Variants in PLEKHM3 observed in about 807,000 individuals in gnomAD.
The protein encoded by PLEKHM3 is pleckstrin homology domain containing M3.
Under a neutral mutation model 81.8 loss-of-function variants are expected in PLEKHM3, and 45 were observed. The observed-to-expected ratio is 0.55, with a 90% CI of 0.43 to 0.71. The LOEUF (loss-of-function observed/expected upper bound fraction) is 0.71, where lower values mean the gene tolerates loss of function less well. Among genes scored for constraint, PLEKHM3 ranks in the 30% least tolerant of loss-of-function variants. The pLI is 0.00. For synonymous variants in PLEKHM3, 352 were observed against 356.4 expected, an observed-to-expected ratio of 0.99 and a Z score of 0.14; for missense variants, 788 against 924.3, an observed-to-expected ratio of 0.85 and a Z score of 1.91.
At chr2:207,894,504 C>T (rs985315941) in intron 6 of PLEKHM3, among the ~76,000 whole-genome samples, 1 of 123,278 alleles carries the variant, frequency 8.1e-6, no homozygotes, top group African/African-American at 3.1e-5. Context: ...CACCTTTGCC[C>T]TATTATTCCT....
chr2:207,941,937 A>G (rs1012525254), intron 4 of PLEKHM3, among the ~76,000 whole-genome samples: 8 of 152,244 alleles, frequency 5.3e-5, no homozygotes, highest in Non-Finnish European at 1.2e-4. Flanking sequence ...TCCAGTTAAA[A>G]TGGCTATTAC....
chr2:208,018,100 C>T (rs1447721799), intron 1 of PLEKHM3, among the ~76,000 whole-genome samples: 1 of 152,142 alleles, frequency 6.6e-6, no homozygotes, highest in Non-Finnish European at 1.5e-5. Context: ...TCCGGCTGGG[C>T]GCAGTGGTTC....
chr2:207,850,427 T>G (rs879867735), intron 7 of PLEKHM3, among the ~76,000 whole-genome samples: 1 of 152,224 alleles, frequency 6.6e-6, no homozygotes, highest in Admixed American at 6.5e-5. Context: ...GGAGGATGAC[T>G]TACATGTCAC....
rs564256734 is a variant in PLEKHM3, at chr2:207,883,525, A to G, written c.1951-22263T>C. ...GAGTCTCACTTGAGAATAAGAAGAT[A>G]GCACTGAAAGTGTTTAAACATTTCT... On this transcript the variant is annotated intron_variant, in intron 6 of 7. Transcript: ENST00000427836. 3.9e-5 allele frequency among the ~76,000 whole-genome samples: 6 copies of G among 152,358 alleles called. No homozygotes were observed. The South Asian group carries it at 1.0e-3, about 26-fold the overall frequency.
intron 2 of PLEKHM3, among the ~76,000 whole-genome samples, chr2:207,982,433 T>A (rs1461461429): frequency 6.6e-6 from 1 of 152,020 alleles, no homozygotes; most frequent in Non-Finnish European, 1.5e-5. Context: ...CCACACCTGG[T>A]TCATTTTTTA....
intron 5 of PLEKHM3, among the ~76,000 whole-genome samples, chr2:207,910,044 A>G (rs987501211): frequency 1.3e-5 from 2 of 152,196 alleles, no homozygotes; most frequent in South Asian, 2.1e-4. Context: ...GGAAAGTAGG[A>G]AAGTCGCTGA....
chr2:207,849,863 T>C (rs2092403003), intron 7 of PLEKHM3, among the ~76,000 whole-genome samples: 1 of 152,208 alleles, frequency 6.6e-6, no homozygotes, highest in Non-Finnish European at 1.5e-5. Flanking sequence ...ACAGTAAGTA[T>C]TTATGTAACG....
chr2:207,935,499 C>T (rs1013001433), intron 4 of PLEKHM3, among the ~76,000 whole-genome samples: 1 of 152,186 alleles, frequency 6.6e-6, no homozygotes, highest in Admixed American at 6.5e-5. Context: ...TTTCCAATTC[C>T]CATAAAGCTG....
intron 1 of PLEKHM3, among the ~76,000 whole-genome samples, chr2:208,002,808 G>A (rs1023314940): frequency 6.6e-6 from 1 of 151,848 alleles, no homozygotes; most frequent in African/African-American, 2.4e-5. Flanking sequence ...GTAGATAGTA[G>A]CCATTATGAC....
intron 5 of PLEKHM3, chr2:207,929,823 T>G (rs948710300): frequency 1.6e-6 from 1 of 632,890 alleles, no homozygotes; most frequent in Non-Finnish European, 2.8e-6. Context: ...TATGTCAGTT[T>G]CTTTGGATCT....
At chr2:207,845,753 T>C (rs535099011) in intron 7 of PLEKHM3, among the ~76,000 whole-genome samples, 1 of 152,348 alleles carries the variant, frequency 6.6e-6, no homozygotes, top group Admixed American at 6.5e-5. Context: ...AAACTCTCTA[T>C]TCATTCATGA....
At chr2:207,995,025 T>C (rs1272914887) in intron 2 of PLEKHM3, among the ~76,000 whole-genome samples, 1 of 152,102 alleles carries the variant, frequency 6.6e-6, no homozygotes, top group East Asian at 1.9e-4. Flanking sequence ...ACTTAAAGCA[T>C]AATAATTTTT....
intron 1 of PLEKHM3, among the ~76,000 whole-genome samples, chr2:208,021,490 T>TA (rs552694113): frequency 5.5e-4 from 84 of 152,338 alleles, no homozygotes; most frequent in African/African-American, 1.9e-3. Flanking sequence ...TTGTTTTCTT[T>TA]AAAAAATCAC....
intron 6 of PLEKHM3, among the ~76,000 whole-genome samples, chr2:207,901,929 A>T (rs1299209222): frequency 6.6e-6 from 1 of 152,198 alleles, no homozygotes; most frequent in African/African-American, 2.4e-5. Flanking sequence ...GGACACAGGC[A>T]CTTGCCATGG....
chr2:207,822,754 G>C lies in PLEKHM3; in HGVS notation c.*5565C>G, dbSNP rs1406624059. ...GAGTAGCCAGCAGGGAAGAAGCAAA[G>C]GGATCCAGATTTAGTTGAAGGGTCC... On this transcript the variant is annotated 3_prime_UTR_variant, in exon 8 of 8. Coordinates refer to ENST00000427836, the MANE Select transcript of PLEKHM3 (RefSeq NM_001080475.3). 6.6e-6 allele frequency: 1 copy of C among 152,340 alleles called. No homozygotes were observed. Among genetic ancestry groups the C allele is most frequent in the Non-Finnish European group, 1.5e-5 (1 of 68,148 alleles). The allele number at this position is 152,340 out of a possible 1,614,324, so 9.4% of individuals were successfully genotyped here. A position where few individuals can be genotyped will look rare whatever the true frequency, so the allele number is the denominator to read the frequency against.
At chr2:207,997,753 G>A (rs1323052546) in intron 2 of PLEKHM3, among the ~76,000 whole-genome samples, 1 of 152,172 alleles carries the variant, frequency 6.6e-6, no homozygotes, top group African/African-American at 2.4e-5. Context: ...CAGGCAGTTG[G>A]AGATGCGAGT....
At chr2:207,978,420 C>A (rs1434639777) in intron 2 of PLEKHM3, among the ~76,000 whole-genome samples, 1 of 151,938 alleles carries the variant, frequency 6.6e-6, no homozygotes, top group Non-Finnish European at 1.5e-5. Flanking sequence ...AGAGAACGTG[C>A]CTTCCGCCAC....
intron 1 of PLEKHM3, among the ~76,000 whole-genome samples, chr2:208,014,235 A>G (rs1010798919): frequency 7.2e-5 from 11 of 152,242 alleles, no homozygotes; most frequent in African/African-American, 2.7e-4. Flanking sequence ...AGCACAAGAT[A>G]AGGCAAAATA....
At chr2:207,849,103 G>A (rs2092398956) in intron 7 of PLEKHM3, among the ~76,000 whole-genome samples, 1 of 152,156 alleles carries the variant, frequency 6.6e-6, no homozygotes, top group East Asian at 1.9e-4. Flanking sequence ...GGAGGCCGAG[G>A]CGGGCGGATC....
Sources: allele counts gnomAD v4.1 joint callset (sites outside exome capture counted in the v4.1 genomes callset), GRCh38; gene constraint gnomAD v4.1.1; transcripts MANE v1.5; gene names NCBI Gene and HGNC (gene_info 2026-07-23, HGNC 2026-07-21).